Variants in CACNA1E observed in about 807,000 individuals in gnomAD.
CACNA1E encodes voltage-dependent R-type calcium channel subunit alpha-1E.
A neutral mutation model predicts 259.2 loss-of-function variants in CACNA1E; 40 were observed. That is an observed-to-expected ratio of 0.15 (90% confidence interval 0.12 to 0.20). The LOEUF is 0.20. Ranked by LOEUF, CACNA1E falls within the 10% of genes least tolerant of loss-of-function variation. The pLI is 1.00. For synonymous variants in CACNA1E, 1,104 were observed against 1,138.5 expected (o/e 0.97, Z 0.61); for missense variants, 1,874 against 3,040.1 (o/e 0.62, Z 9.02).
chr1:181,768,084 T>A (rs141341746), intron 35 of CACNA1E, among the ~76,000 whole-genome samples: 1,628 of 152,346 alleles, frequency 0.011, 14 homozygotes, highest in Non-Finnish European at 0.019. Context: ...GTTGGAAACA[T>A]TATAATTCTT....
chr1:181,649,404 T>C (rs978720413), intron 6 of CACNA1E, among the ~76,000 whole-genome samples: 1 of 150,010 alleles, frequency 6.7e-6, no homozygotes, highest in African/African-American at 2.4e-5. Context: ...ACAAGTGTGG[T>C]GAAAGGAGAT....
intron 3 of CACNA1E, among the ~76,000 whole-genome samples, chr1:181,565,953 C>A (rs1272914481): frequency 1.3e-5 from 2 of 152,140 alleles, no homozygotes; most frequent in South Asian, 2.1e-4. Flanking sequence ...GCTAGAAAAA[C>A]AACTCAAAGA....
chr1:181,596,109 C>T (rs910978863), intron 6 of CACNA1E, among the ~76,000 whole-genome samples: 11 of 151,920 alleles, frequency 7.2e-5, no homozygotes, highest in African/African-American at 1.9e-4. Flanking sequence ...GAGATTGGGC[C>T]GGGGAGATTG....
intron 3 of CACNA1E, among the ~76,000 whole-genome samples, chr1:181,545,836 A>G (rs1365869893): frequency 2.6e-5 from 4 of 152,054 alleles, no homozygotes; most frequent in Non-Finnish European, 5.9e-5. Flanking sequence ...TCTTGGCCCA[A>G]GGCTCCCCCA....
chr1:181,334,167 T>C lies in CACNA1E; in HGVS notation c.-15+16044T>C, dbSNP rs996608955. On this transcript the variant is annotated intron_variant, in intron 1 of 11. Transcript: ENST00000524607. ...TTTCATCTTGAGATACTTGACCTAATGAGTCCTTGACATGGACAGGCACTT... is the reference window on the plus strand; with the variant it reads ...TTTCATCTTGAGATACTTGACCTAACGAGTCCTTGACATGGACAGGCACTT... 2.6e-5 allele frequency among the ~76,000 whole-genome samples: 4 copies of C among 152,076 alleles called. No homozygotes were observed. In the South Asian group the frequency reaches 6.2e-4, roughly 24 times the overall value.
chr1:181,358,490 T>C (rs1362740331), intron 1 of CACNA1E, among the ~76,000 whole-genome samples: 1 of 152,232 alleles, frequency 6.6e-6, no homozygotes, highest in Non-Finnish European at 1.5e-5. Flanking sequence ...TATGAAAATT[T>C]ACTAGGTTGC....
At chr1:181,769,896 T>C (rs1659352816) in intron 35 of CACNA1E, among the ~76,000 whole-genome samples, 1 of 152,190 alleles carries the variant, frequency 6.6e-6, no homozygotes, top group African/African-American at 2.4e-5. Flanking sequence ...TAATTAGATT[T>C]GACTGCTTGG....
At chr1:181,585,979 C>G (rs1652020158) in intron 6 of CACNA1E, among the ~76,000 whole-genome samples, 1 of 152,126 alleles carries the variant, frequency 6.6e-6, no homozygotes, top group Admixed American at 6.5e-5. Flanking sequence ...GAAAAAGGAT[C>G]ACTCCACCTC....
intron 6 of CACNA1E, among the ~76,000 whole-genome samples, chr1:181,594,548 G>A (rs1450098501): frequency 1.3e-5 from 2 of 152,148 alleles, no homozygotes; most frequent in African/African-American, 4.8e-5. Context: ...ACAGGCCCCT[G>A]CTACCATGCC....
chr1:181,723,831 T>TCATATC (rs1488167572), intron 16 of CACNA1E, among the ~76,000 whole-genome samples: 1 of 152,152 alleles, frequency 6.6e-6, no homozygotes, highest in Admixed American at 6.5e-5. Context: ...CACAGAACAT[T>TCATATC]CATATCCTCT....
rs1660021026 is a variant in CACNA1E, at chr1:181,776,897, T to C, written c.5267+669T>C. ...CATGGGCAAAATTCAGCCCATTGTC[T>C]GTTTTTGCAAATAAAGTTTTATTGA... is the stretch of plus-strand genomic sequence containing the variant. On this transcript the variant is annotated intron_variant, in intron 38 of 47. Transcript: ENST00000367573. The surrounding 1 kb of genome is among the most constrained non-coding windows in gnomAD (Gnocchi z 4.4). Among the ~76,000 whole-genome samples the C allele has an allele frequency of 6.6e-6, 1 of 152,272 alleles. No homozygotes were observed. The highest frequency in any genetic ancestry group is 6.5e-5 in the Admixed American group (1 of 15,286).
intron 2 of CACNA1E, among the ~76,000 whole-genome samples, chr1:181,420,156 C>T (rs1483835762): frequency 6.6e-6 from 1 of 152,144 alleles, no homozygotes; most frequent in East Asian, 1.9e-4. Flanking sequence ...AATCCTGTCT[C>T]CTAGACACTG....
intron 6 of CACNA1E, among the ~76,000 whole-genome samples, chr1:181,604,231 A>T (rs150725580): frequency 6.6e-6 from 1 of 151,942 alleles, no homozygotes; most frequent in Non-Finnish European, 1.5e-5. Flanking sequence ...CTGGGGTCCC[A>T]CTCACCACCA....
Position 181,776,725 on chromosome 1 carries a change from A to G in CACNA1E, c.5267+497A>G, listed in dbSNP as rs1660004722. Among the ~76,000 whole-genome samples the G allele has an allele frequency of 6.6e-6, 1 of 152,202 alleles. No homozygotes were observed. Among genetic ancestry groups the G allele is most frequent in the South Asian group, 2.1e-4 (1 of 4,832 alleles). On this transcript the variant is annotated intron_variant, in intron 38 of 47. Coordinates refer to ENST00000367573, the MANE Select transcript of CACNA1E (RefSeq NM_001205293.3). This position sits in a 1 kb window ranked among gnomAD's most constrained non-coding sequence, Gnocchi z 4.4. Reference sequence around the variant, plus strand: ...GTTGTTCTTCCAACTGTTCCCTTAAATATTTGTGGATTTTTATTACATGGA... The same window carrying G: ...GTTGTTCTTCCAACTGTTCCCTTAAGTATTTGTGGATTTTTATTACATGGA...
At chr1:181,631,924 G>A (rs1401716148) in intron 6 of CACNA1E, among the ~76,000 whole-genome samples, 1 of 152,094 alleles carries the variant, frequency 6.6e-6, no homozygotes, top group Non-Finnish European at 1.5e-5. Context: ...TTTACCTCAG[G>A]TTTCAAGTAG....
At chr1:181,383,120 C>T (rs747742175) in intron 1 of CACNA1E, among the ~76,000 whole-genome samples, 5 of 152,212 alleles carry the variant, frequency 3.3e-5, no homozygotes, top group African/African-American at 4.8e-5. Flanking sequence ...GCTTTCCCCC[C>T]GGGGCCGCAT....
intron 3 of CACNA1E, among the ~76,000 whole-genome samples, chr1:181,528,242 G>T (rs1667512173): frequency 6.6e-6 from 1 of 152,072 alleles, no homozygotes; most frequent in South Asian, 2.1e-4. Context: ...GTTTATCAGG[G>T]GTTTCCACTT....
At chr1:181,517,720 A>G (rs1051476106) in intron 3 of CACNA1E, among the ~76,000 whole-genome samples, 9 of 152,214 alleles carry the variant, frequency 5.9e-5, no homozygotes, top group Non-Finnish European at 1.0e-4. Context: ...ATGCAGAACG[A>G]TTTAGCCTGA....
intron 1 of CACNA1E, among the ~76,000 whole-genome samples, chr1:181,343,438 C>T (rs2102641464): frequency 6.6e-6 from 1 of 152,170 alleles, no homozygotes. Flanking sequence ...GACTGTGGCA[C>T]CTCTCCCCTC....
Sources: gnomAD v4.1 joint callset for allele counts (sites outside exome capture counted in the v4.1 genomes callset) on GRCh38, gnomAD v4.1.1 for gene constraint, Gnocchi (gnomAD v3.1) non-coding constraint, MANE v1.5 for transcripts, NCBI Gene and HGNC (gene_info 2026-07-23, HGNC 2026-07-21) for gene names.